CPEB3: variants seen among roughly 807,000 people sequenced by gnomAD.
The protein encoded by CPEB3 is cytoplasmic polyadenylation element binding protein 3.
A neutral mutation model predicts 67.2 loss-of-function variants in CPEB3; 20 were observed. That is an observed-to-expected ratio of 0.30 (90% confidence interval 0.21 to 0.43). CPEB3 has a LOEUF of 0.43. Among genes scored for constraint, CPEB3 ranks in the 20% least tolerant of loss-of-function variants. The pLI is 1.00. For synonymous variants in CPEB3, 376 were observed against 393.1 expected (o/e 0.96, Z 0.51); for missense variants, 746 against 968.6 (o/e 0.77, Z 3.05).
chr10:92,155,832 G>C (rs1460308444), intron 4 of CPEB3, among the ~76,000 whole-genome samples: 1 of 152,040 alleles, frequency 6.6e-6, no homozygotes, highest in Non-Finnish European at 1.5e-5. Flanking sequence ...CTCACAAATA[G>C]ATATGGAGAA....
At chr10:92,167,889 G>A (rs11186843) in intron 4 of CPEB3, among the ~76,000 whole-genome samples, 52,626 of 151,680 alleles carry the variant, frequency 0.35, 10,176 homozygotes, top group African/African-American at 0.51. Flanking sequence ...GCCTGGGCAG[G>A]CAGAGTGAGA....
chr10:92,080,164 GC>G (rs2133204177), intron 9 of CPEB3, among the ~76,000 whole-genome samples: 1 of 148,840 alleles, frequency 6.7e-6, no homozygotes, highest in East Asian at 2.0e-4. Flanking sequence ...CCAAGATTGC[GC>G]CACTGCACTC....
At chr10:92,120,979 G>A (rs923455531) in intron 6 of CPEB3, among the ~76,000 whole-genome samples, 17 of 151,832 alleles carry the variant, frequency 1.1e-4, no homozygotes, top group African/African-American at 3.4e-4. Context: ...GGGATTACAG[G>A]CATGAGCCAC....
chr10:92,218,309 A>G (rs1850530986), intron 2 of CPEB3, among the ~76,000 whole-genome samples: 1 of 152,230 alleles, frequency 6.6e-6, no homozygotes, highest in Non-Finnish European at 1.5e-5. Flanking sequence ...TGGGAAGCTA[A>G]GGCAGGAGAA....
At chr10:92,237,484 C>T (rs1184169894) in intron 2 of CPEB3, among the ~76,000 whole-genome samples, 1 of 152,166 alleles carries the variant, frequency 6.6e-6, no homozygotes, top group Non-Finnish European at 1.5e-5. Flanking sequence ...CTATACTCCT[C>T]GTCAATATCA....
At chr10:92,290,274 G>A (rs1842795651) in intron 1 of CPEB3, among the ~76,000 whole-genome samples, 1 of 151,920 alleles carries the variant, frequency 6.6e-6, no homozygotes, top group South Asian at 2.1e-4. Flanking sequence ...CTTTCCTCCC[G>A]CCAAAGCTAT....
At chr10:92,268,113 C>T (rs1371049739) in intron 1 of CPEB3, among the ~76,000 whole-genome samples, 1 of 152,008 alleles carries the variant, frequency 6.6e-6, no homozygotes, top group South Asian at 2.1e-4. Context: ...CGCGACCGGC[C>T]GACCTATAAA....
intron 1 of CPEB3, among the ~76,000 whole-genome samples, chr10:92,264,831 G>A (rs942509137): frequency 6.6e-6 from 1 of 151,880 alleles, no homozygotes; most frequent in Non-Finnish European, 1.5e-5. Context: ...GCAGGACGAC[G>A]ATCACTGAGA....
chr10:92,091,707 G>A lies in CPEB3; in HGVS notation c.1687+123C>T, dbSNP rs73314350. 2.2e-3 allele frequency: 1,293 copies of A among 582,610 alleles called. 12 individuals carry two copies. The African/African-American group carries it at 0.022, about 10-fold the overall frequency. 36.1% of individuals were successfully genotyped at this position (582,610 alleles called of 1,614,324 possible). On this transcript the variant is annotated intron_variant, in intron 8 of 9. Coordinates refer to ENST00000265997, the MANE Select transcript of CPEB3 (RefSeq NM_014912.5). ...CCTGAAAAAGCTCAGTGAAAATGAT[G>A]ACAGCCTTCTTTTTGGAGACTATGT...
intron 2 of CPEB3, among the ~76,000 whole-genome samples, chr10:92,238,585 A>C (rs1851651488): frequency 6.6e-6 from 1 of 151,840 alleles, no homozygotes. Context: ...ACTCCATTGC[A>C]ATATGGCTCT....
intron 4 of CPEB3, among the ~76,000 whole-genome samples, chr10:92,171,464 A>G (rs1467877925): frequency 2.6e-5 from 4 of 152,154 alleles, no homozygotes; most frequent in African/African-American, 4.8e-5. Flanking sequence ...CCCTACGCCA[A>G]TGAAATTACA....
intron 6 of CPEB3, chr10:92,118,769 G>A (rs80040597): frequency 6.6e-6 from 5 of 756,092 alleles, no homozygotes; most frequent in South Asian, 5.5e-5. Context: ...ACAAGAGATG[G>A]AGCGGTTCTG....
chr10:92,098,917 G>A (rs942850421), intron 7 of CPEB3, among the ~76,000 whole-genome samples: 11 of 151,534 alleles, frequency 7.3e-5, no homozygotes, highest in African/African-American at 2.4e-4. Flanking sequence ...GATTACAGGC[G>A]CCTGCCCCAA....
At chr10:92,233,047 T>C (rs1851348717) in intron 2 of CPEB3, among the ~76,000 whole-genome samples, 1 of 152,208 alleles carries the variant, frequency 6.6e-6, no homozygotes, top group African/African-American at 2.4e-5. Context: ...GGCATTCATA[T>C]CAACCATGTC....
At position 92,234,199 on chromosome 10, in the gene CPEB3, T is replaced by C. The variant is rs187921989; in HGVS notation, c.1005+5147A>G. 2.2e-4 allele frequency among the ~76,000 whole-genome samples: 34 copies of C among 151,832 alleles called. No individual in the cohort carries two copies. The East Asian group carries it at 4.3e-3, about 19-fold the overall frequency. On this transcript the variant is annotated intron_variant, in intron 2 of 9. Coordinates refer to ENST00000265997, the MANE Select transcript of CPEB3 (RefSeq NM_014912.5). ...TTTTTTTTTCCAAATTAAATTTGAATCCAGGCAATCTGCTGCTAAAGCCTG... is the reference window on the plus strand; with the variant it reads ...TTTTTTTTTCCAAATTAAATTTGAACCCAGGCAATCTGCTGCTAAAGCCTG...
chr10:92,239,926 T>G lies in CPEB3; in HGVS notation c.425A>C (p.His142Pro). Reference protein sequence around the residue: ...GTMLFQNFPHHVNPVFGGTFS... With the variant: ...GTMLFQNFPHPVNPVFGGTFS... ...AGTGCCTCCGAAGACTGGGTTGACA[T>G]GGTGCGGGAAGTTCTGGAAGAGCAT... Residue 142 changes from histidine to proline, a missense_variant, in exon 2 of 10, where the codon CAT (histidine) becomes CCT (proline). His to Pro is a moderately conservative substitution (Grantham distance 77, BLOSUM62 -2). Coordinates refer to ENST00000265997, the MANE Select transcript of CPEB3 (RefSeq NM_014912.5). This position sits in a 1 kb window ranked among gnomAD's most constrained non-coding sequence, Gnocchi z 6.0. The G allele has an allele frequency of 6.2e-7, 1 of 1,613,386 alleles. No individual in the cohort carries two copies. The highest frequency in any genetic ancestry group is 1.7e-4 in the Middle Eastern group (1 of 6,060).
At chr10:92,161,776 G>A (rs960147673) in intron 4 of CPEB3, among the ~76,000 whole-genome samples, 3 of 152,128 alleles carry the variant, frequency 2.0e-5, no homozygotes, top group African/African-American at 7.2e-5. Context: ...CGATTCTTCT[G>A]TCTCAGCCTC....
intron 9 of CPEB3, among the ~76,000 whole-genome samples, chr10:92,065,219 A>G (rs1268811600): frequency 6.6e-6 from 1 of 152,076 alleles, no homozygotes; most frequent in Non-Finnish European, 1.5e-5. Context: ...TTACTTTTTA[A>G]TTTTTAATTT....
At chr10:92,234,906 C>T (rs1006524305) in intron 2 of CPEB3, among the ~76,000 whole-genome samples, 4 of 152,040 alleles carry the variant, frequency 2.6e-5, no homozygotes, top group African/African-American at 9.7e-5. Context: ...ATCTGGGCGA[C>T]AGAGCACGAC....
Sources: allele counts gnomAD v4.1 joint callset (sites outside exome capture counted in the v4.1 genomes callset), GRCh38; gene constraint gnomAD v4.1.1; non-coding constraint Gnocchi (gnomAD v3.1); transcripts MANE v1.5; gene names NCBI Gene and HGNC (gene_info 2026-07-23, HGNC 2026-07-21).